The following ELFN1 variants were observed in gnomAD, a reference collection of about 807,000 sequenced individuals.
ELFN1 encodes the protein extracellular leucine rich repeat and fibronectin type III domain containing 1, also known as protein ELFN1.
ELFN1 carries 6 observed loss-of-function variants against 7.6 expected under a neutral mutation model. The observed-to-expected ratio is 0.79, with a 90% CI of 0.43 to 1.56. The LOEUF is 1.56. ELFN1 is among the 40% of genes most tolerant of loss of function. The pLI is 0.01. For synonymous variants in ELFN1, 657 were observed against 588.1 expected, an observed-to-expected ratio of 1.12 and a Z score of -1.70; for missense variants, 1,169 against 1,232.2, an observed-to-expected ratio of 0.95 and a Z score of 0.77.
rs140453762 is a variant in ELFN1 at position 1,684,154 on chromosome 7, A to G, written c.-548-3904A>G. On this transcript the variant is annotated intron_variant, in intron 1 of 3. Transcript: ENST00000424383. ...GACAGAATGAGACCCTGTCTCCCCA[A>G]AAAAATTTTTTACCTACTCCAGTTC... 2.2e-3 allele frequency among the ~76,000 whole-genome samples: 331 copies of G among 152,226 alleles called. 2 individuals are homozygous for G. The highest frequency in any genetic ancestry group is 7.6e-3 in the African/African-American group (315 of 41,534).
chr7:1,685,622 T>G (rs1779049116), intron 1 of ELFN1, among the ~76,000 whole-genome samples: 1 of 152,030 alleles, frequency 6.6e-6, no homozygotes, highest in Admixed American at 6.6e-5. Context: ...CAGTCATACT[T>G]TTTAATTCTA....
chr7:1,695,299 C>T lies in ELFN1; in HGVS notation c.-456+7149C>T, dbSNP rs953439432. ...TCCCAGCCCTTCCCAGCACCAGCTGCGTCCTCCTCCTCCAGGGCTGCAGCT... is the reference window on the plus strand; with the variant it reads ...TCCCAGCCCTTCCCAGCACCAGCTGTGTCCTCCTCCTCCAGGGCTGCAGCT... On this transcript the variant is annotated intron_variant, in intron 2 of 3. Transcript: ENST00000424383. The surrounding 1 kb of genome is among the most constrained non-coding windows in gnomAD (Gnocchi z 5.1). Among the ~76,000 whole-genome samples the T allele has an allele frequency of 4.6e-5, 7 of 152,196 alleles. No individual in the cohort carries two copies. Among genetic ancestry groups the T allele is most frequent in the Admixed American group, 2.6e-4 (4 of 15,280 alleles).
intron 2 of ELFN1, among the ~76,000 whole-genome samples, chr7:1,688,508 C>T (rs544068109): frequency 3.3e-5 from 5 of 152,258 alleles, no homozygotes; most frequent in East Asian, 3.9e-4. Context: ...TTATCTATGG[C>T]GTGAGATGTA....
rs1226305431 is a variant in ELFN1, at chr7:1,746,983, C to T, written c.2387C>T (p.Ala796Val). Residue 796 changes from alanine (A) to valine (V), a missense_variant, in exon 4 of 4, where the codon GCG becomes GTG. This residue lies in a region of ELFN1 where 914 missense variants were observed against 872.6 expected (regional missense o/e 1.05). Coordinates refer to ENST00000424383, the MANE Select transcript of ELFN1 (RefSeq NM_001128636.4). Reference protein sequence around the residue: ...RHKEEEEFMAAGHALRKKVQF... With the variant: ...RHKEEEEFMAVGHALRKKVQF... ...AAGGAGGAAGAGGAGTTCATGGCCG[C>T]GGGCCATGCCCTGCGCAAGAAGGTT... The T allele has an allele frequency of 3.2e-6, 5 of 1,560,456 alleles. No homozygotes were observed. Among genetic ancestry groups the T allele is most frequent in the Non-Finnish European group, 4.3e-6 (5 of 1,153,236 alleles).
intron 3 of ELFN1, among the ~76,000 whole-genome samples, chr7:1,711,591 A>T (rs982012557): frequency 4.8e-5 from 7 of 144,814 alleles, no homozygotes; most frequent in African/African-American, 1.6e-4. Context: ...AGAGAGAGAG[A>T]GAGAGAGAGA....
intron 1 of ELFN1, among the ~76,000 whole-genome samples, chr7:1,672,404 G>A (rs899141813): frequency 6.6e-6 from 1 of 152,130 alleles, no homozygotes; most frequent in African/African-American, 2.4e-5. Flanking sequence ...ACAGGTGTCC[G>A]GGGTCCCAGC....
intron 3 of ELFN1, among the ~76,000 whole-genome samples, chr7:1,726,073 TACAC>T (rs370916287): frequency 1.1e-4 from 16 of 151,694 alleles, no homozygotes; most frequent in African/African-American, 3.6e-4. Context: ...ACACACACAA[TACAC>T]ACACAAAAAT....
chr7:1,726,176 G>A (rs1780191500), intron 3 of ELFN1, among the ~76,000 whole-genome samples: 1 of 152,130 alleles, frequency 6.6e-6, no homozygotes, highest in Admixed American at 6.5e-5. Context: ...ACCCGCCACG[G>A]TCCTGACCCC....
At chr7:1,707,963 G>A (rs1190548183) in intron 2 of ELFN1, among the ~76,000 whole-genome samples, 1 of 152,172 alleles carries the variant, frequency 6.6e-6, no homozygotes, top group East Asian at 1.9e-4. Context: ...GGCCTCCTGA[G>A]GCTCCCTCAG....
At chr7:1,666,420 G>A (rs947095858), upstream of ELFN1, among the ~76,000 whole-genome samples, 6 of 151,968 alleles carry the variant, frequency 3.9e-5, no homozygotes, top group African/African-American at 1.4e-4. This position sits in a 1 kb window ranked among gnomAD's most constrained non-coding sequence, Gnocchi z 7.9. Flanking sequence ...TGCGGCGCTC[G>A]GGGCCCGCGG....
At chr7:1,706,429 C>A (rs757321736) in intron 2 of ELFN1, among the ~76,000 whole-genome samples, 2 of 77,744 alleles carry the variant, frequency 2.6e-5, no homozygotes, top group African/African-American at 2.4e-4. Context: ...CTCAAAAAAA[C>A]AAAACAAAAC....
chr7:1,746,492 C>T lies in ELFN1; in HGVS notation c.1896C>T (p.Ala632=), dbSNP rs1443077661. The change falls in exon 4 of 4, where the codon GCC becomes GCT. Residue 632 remains alanine (A), a synonymous_variant. Coordinates refer to ENST00000424383, the MANE Select transcript of ELFN1 (RefSeq NM_001128636.4). ...TGCAGCGGCACCACAGCGTGGAGGC[C>T]GCCGGGCCCCCTCGTGCCAGCACCT... is the stretch of plus-strand genomic sequence containing the variant. ...HSLQRHHSVE[A]AGPPRASTSS... 36 of 1,493,458 alleles carry T rather than the reference C, an allele frequency of 2.4e-5. No homozygotes were observed. The highest frequency in any genetic ancestry group is 8.7e-5 in the African/African-American group (6 of 69,294). 92.5% of individuals were successfully genotyped at this position (1,493,458 alleles called of 1,614,324 possible). A position where few individuals can be genotyped will look rare whatever the true frequency, so the allele number is the denominator to read the frequency against.
chr7:1,684,398 G>A (rs1461989749), intron 1 of ELFN1, among the ~76,000 whole-genome samples: 1 of 152,100 alleles, frequency 6.6e-6, no homozygotes, highest in East Asian at 1.9e-4. Flanking sequence ...ATCAGCCATT[G>A]ATCATATTGC....
chr7:1,728,939 A>C (rs1311497830), intron 3 of ELFN1, among the ~76,000 whole-genome samples: 1 of 152,146 alleles, frequency 6.6e-6, no homozygotes, highest in African/African-American at 2.4e-5. Flanking sequence ...CATGATGGCT[A>C]TCAGTGGCCC....
chr7:1,666,579 G>T (rs1306452962), upstream of ELFN1, among the ~76,000 whole-genome samples: 1 of 151,978 alleles, frequency 6.6e-6, no homozygotes. This position sits in a 1 kb window ranked among gnomAD's most constrained non-coding sequence, Gnocchi z 7.9. Context: ...GGGAGGCGCC[G>T]CGGGGACCCC....
At position 1,744,814 on chromosome 7, in the gene ELFN1, G is replaced by A. The variant is rs770363824; in HGVS notation, c.218G>A (p.Arg73His). ...CTGCGGCTCAACGAGAACCGTATCC[G>A]CAGCGTGCAGTACGCCTCGCTCAGC... ...VDLRLNENRI[R>H]SVQYASLSRF... The change falls in exon 4 of 4, where the codon CGC becomes CAC. Residue 73 changes from arginine to histidine, a missense_variant. Physicochemically the swap from Arg to His is conservative, Grantham distance 29 (BLOSUM62 0). Coordinates refer to ENST00000424383, the MANE Select transcript of ELFN1 (RefSeq NM_001128636.4). 25 of 1,564,606 alleles carry A rather than the reference G, an allele frequency of 1.6e-5. No homozygotes were observed. The highest frequency in any genetic ancestry group is 1.5e-4 in the Admixed American group (8 of 52,276).
chr7:1,727,232 T>C (rs1780222857), intron 3 of ELFN1, among the ~76,000 whole-genome samples: 1 of 151,984 alleles, frequency 6.6e-6, no homozygotes, highest in Non-Finnish European at 1.5e-5. Context: ...TGAGTGTGAG[T>C]CCCCAAGCTT....
At position 1,739,401 on chromosome 7, in the gene ELFN1, G is replaced by C. The variant is rs1780544967; in HGVS notation, c.-293-4903G>C. The C allele has an allele frequency of 1.3e-5, 2 of 152,628 alleles. No individual in the cohort carries two copies. The highest frequency in any genetic ancestry group is 6.5e-5 in the Admixed American group (1 of 15,274). The allele number at this position is 152,628 out of a possible 1,614,324, so 9.5% of individuals were successfully genotyped here. On this transcript the variant is annotated intron_variant, in intron 3 of 3. Coordinates refer to ENST00000424383, the MANE Select transcript of ELFN1 (RefSeq NM_001128636.4). This position sits in a 1 kb window ranked among gnomAD's most constrained non-coding sequence, Gnocchi z 4.6. ...AGTCCAGAATGCGGCGTCAACTTTT[G>C]GTGTAGGAATGTGGCGGATGGTGAG...
chr7:1,671,862 C>T (rs1778774112), intron 1 of ELFN1, among the ~76,000 whole-genome samples: 1 of 152,186 alleles, frequency 6.6e-6, no homozygotes. Flanking sequence ...AGGGGGTCAC[C>T]CCCTCACCTG....
Sources: gnomAD v4.1 joint callset for allele counts (sites outside exome capture counted in the v4.1 genomes callset) on GRCh38, gnomAD v4.1.1 for gene constraint, gnomAD v4.1.1 regional missense constraint, Gnocchi (gnomAD v3.1) non-coding constraint, MANE v1.5 for transcripts, NCBI Gene and HGNC (gene_info 2026-07-23, HGNC 2026-07-21) for gene names.